TIMMDC1: variants seen among roughly 807,000 people sequenced by gnomAD.
The protein encoded by TIMMDC1 is translocase of inner mitochondrial membrane domain containing 1.
TIMMDC1 carries 25 observed loss-of-function variants against 32.6 expected under a neutral mutation model. The observed-to-expected ratio is 0.77, with a 90% CI of 0.56 to 1.07. The LOEUF (loss-of-function observed/expected upper bound fraction) is 1.07, where lower values mean the gene tolerates loss of function less well. TIMMDC1 is among the 50% of genes least tolerant of loss of function. TIMMDC1 has a pLI of 0.00. For missense variants in TIMMDC1, 329 were observed against 349.2 expected (o/e 0.94, Z 0.46); for synonymous variants, 130 against 127.6 (o/e 1.02, Z -0.13).
chr3:119,525,036 T>C lies in TIMMDC1; in HGVS notation c.*1280T>C, dbSNP rs1258999153. 2 of 152,232 alleles carry C rather than the reference T, an allele frequency of 1.3e-5. No individual in the cohort carries two copies. The highest frequency in any genetic ancestry group is 2.9e-5 in the Non-Finnish European group (2 of 68,048). 9.4% of individuals were successfully genotyped at this position (152,232 alleles called of 1,614,324 possible). On this transcript the variant is annotated 3_prime_UTR_variant, in exon 7 of 7. Coordinates refer to ENST00000494664, the MANE Select transcript of TIMMDC1 (RefSeq NM_016589.4). ...GTCCAATATGAACCAGTTAAGTCTT[T>C]GGACTATCCCTTTCCTCCTTGACTA...
intron 2 of TIMMDC1, among the ~76,000 whole-genome samples, chr3:119,503,102 C>T (rs1243419148): frequency 1.3e-5 from 2 of 152,180 alleles, no homozygotes; most frequent in African/African-American, 4.8e-5. Flanking sequence ...GGTTGAGCAG[C>T]ACAAATCTGA....
intron 2 of TIMMDC1, among the ~76,000 whole-genome samples, chr3:119,502,632 C>T (rs1437485844): frequency 6.6e-6 from 1 of 152,020 alleles, no homozygotes; most frequent in Non-Finnish European, 1.5e-5. Context: ...GATCATAGCT[C>T]ACCACAACCT....
intron 1 of TIMMDC1, among the ~76,000 whole-genome samples, chr3:119,499,885 G>C (rs986232400): frequency 6.6e-6 from 1 of 152,148 alleles, no homozygotes; most frequent in Non-Finnish European, 1.5e-5. Flanking sequence ...TGTTATTTTA[G>C]ATTGGCATGT....
intron 2 of TIMMDC1, 107 bp downstream of exon 2, chr3:119,500,967 C>T: frequency 8.7e-7 from 1 of 1,144,132 alleles, no homozygotes; most frequent in South Asian, 1.6e-5. Context: ...TTTAAGGTGT[C>T]AGAGTAAAGA....
intron 6 of TIMMDC1, among the ~76,000 whole-genome samples, chr3:119,519,494 A>AC (rs2082009286): frequency 6.6e-6 from 1 of 152,028 alleles, no homozygotes; most frequent in African/African-American, 2.4e-5. Flanking sequence ...TTAAATAAAA[A>AC]ACTATAAAAA....
intron 6 of TIMMDC1, among the ~76,000 whole-genome samples, chr3:119,520,467 A>G (rs1291596922): frequency 6.6e-6 from 1 of 152,212 alleles, no homozygotes; most frequent in Non-Finnish European, 1.5e-5. Flanking sequence ...ACTGTATGCC[A>G]AGAAATTGGA....
At chr3:119,502,404 A>AT (rs1486181409) in intron 2 of TIMMDC1, among the ~76,000 whole-genome samples, 4 of 151,364 alleles carry the variant, frequency 2.6e-5, no homozygotes, top group African/African-American at 9.7e-5. Flanking sequence ...TAATTTTTGT[A>AT]TTTTTTGTAG....
intron 2 of TIMMDC1, among the ~76,000 whole-genome samples, chr3:119,502,366 A>G (rs1306904339): frequency 6.6e-6 from 1 of 151,762 alleles, no homozygotes; most frequent in Non-Finnish European, 1.5e-5. Flanking sequence ...AGTAGCTGGG[A>G]CTATAGGCAT....
At position 119,523,596 on chromosome 3, in the gene TIMMDC1, C is replaced by G. The variant is rs58978800; in HGVS notation, c.708-10C>G. 4.4e-6 allele frequency: 7 copies of G among 1,579,938 alleles called. No individual in the cohort carries two copies. Among genetic ancestry groups the G allele is most frequent in the Non-Finnish European group, 6.0e-6 (7 of 1,167,174 alleles). On this transcript the variant is annotated splice_polypyrimidine_tract_variant and intron_variant, in intron 6 of 6. Coordinates refer to ENST00000494664, the MANE Select transcript of TIMMDC1 (RefSeq NM_016589.4). ...GCAGTATTTGATTTATCCTTTTTATCTGATTACAGGAAAGGCAGACTACAA... is the reference window on the plus strand; with the variant it reads ...GCAGTATTTGATTTATCCTTTTTATGTGATTACAGGAAAGGCAGACTACAA...
chr3:119,516,399 T>TTA (rs1445577894), intron 5 of TIMMDC1, among the ~76,000 whole-genome samples: 2 of 152,216 alleles, frequency 1.3e-5, no homozygotes, highest in East Asian at 3.8e-4. Context: ...TCCTTGAAGT[T>TTA]TATCTATGTT....
At chr3:119,505,654 A>G (rs912356346) in intron 4 of TIMMDC1, among the ~76,000 whole-genome samples, 1 of 152,218 alleles carries the variant, frequency 6.6e-6, no homozygotes. Flanking sequence ...GGCGTAAGCT[A>G]CCACGCCCGG....
rs774619141 is a variant in TIMMDC1 at position 119,498,908 on chromosome 3, C to T, written c.175C>T (p.Arg59Trp). 3.1e-6 allele frequency: 5 copies of T among 1,613,718 alleles called. No individual in the cohort carries two copies. In the East Asian group the frequency reaches 6.7e-5, roughly 22 times the overall value. Residue 59 changes from arginine (R) to tryptophan (W), a missense_variant, in exon 1 of 7, where the codon CGG becomes TGG. Coordinates refer to ENST00000494664, the MANE Select transcript of TIMMDC1 (RefSeq NM_016589.4). ...CCCGGAATCTGGATGGGACCGCCTCCGGGAGCTGTTTGGCAAAGAGTAAAA... is the reference window on the plus strand; with the variant it reads ...CCCGGAATCTGGATGGGACCGCCTCTGGGAGCTGTTTGGCAAAGAGTAAAA... ...YYPESGWDRLRELFGKDEQQR... is the reference protein window; with the variant it reads ...YYPESGWDRLWELFGKDEQQR...
At chr3:119,501,781 G>C (rs1007446289) in intron 2 of TIMMDC1, among the ~76,000 whole-genome samples, 1 of 151,994 alleles carries the variant, frequency 6.6e-6, no homozygotes, top group Non-Finnish European at 1.5e-5. Context: ...ATGCTGCTTT[G>C]GTCTCATTTA....
intron 5 of TIMMDC1, among the ~76,000 whole-genome samples, chr3:119,516,466 GT>G (rs1320082464): frequency 6.6e-6 from 1 of 152,158 alleles, no homozygotes; most frequent in Non-Finnish European, 1.5e-5. Context: ...TCCATTGTAT[GT>G]GTATGTTACA....
At chr3:119,507,454 GT>G in intron 4 of TIMMDC1, among the ~76,000 whole-genome samples, 1 of 152,270 alleles carries the variant, frequency 6.6e-6, no homozygotes, top group Non-Finnish European at 1.5e-5. Flanking sequence ...TTCTGTTACA[GT>G]GGGTTTTTAA....
intron 1 of TIMMDC1, 165 bp downstream of exon 1, chr3:119,499,092 C>CTTT (rs11317621): frequency 6.6e-4 from 264 of 402,208 alleles, no homozygotes; most frequent in East Asian, 1.1e-3. Context: ...TTTTTTCTTT[C>CTTT]TTTTTTTTTT....
chr3:119,511,123 A>G (rs1367977664), intron 4 of TIMMDC1, among the ~76,000 whole-genome samples: 2 of 152,092 alleles, frequency 1.3e-5, no homozygotes, highest in African/African-American at 4.8e-5. Context: ...TAGACAGTTT[A>G]TCTGCGAGTT....
chr3:119,515,549 TATAATC>T lies in TIMMDC1; in HGVS notation c.597-1653_597-1648del, dbSNP rs561925355. On this transcript the variant is annotated intron_variant, in intron 5 of 6. Coordinates refer to ENST00000494664, the MANE Select transcript of TIMMDC1 (RefSeq NM_016589.4). ...AAATCAATTTTGCCATGTAAGATAATATAATCATGGGCATAATATATTCACAGTTGA... is the reference window on the plus strand; with the variant it reads ...AAATCAATTTTGCCATGTAAGATAATATGGGCATAATATATTCACAGTTGA... Among the ~76,000 whole-genome samples, 79 of 152,354 alleles carry T rather than the reference TATAATC, an allele frequency of 5.2e-4. 1 individual carries two copies. The highest frequency in any genetic ancestry group is 1.8e-3 in the African/African-American group (74 of 41,580).
chr3:119,509,284 A>C lies in TIMMDC1; in HGVS notation c.518-4357A>C, dbSNP rs144268319. 2.5e-3 allele frequency among the ~76,000 whole-genome samples: 376 copies of C among 152,336 alleles called. 2 individuals carry two copies. The highest frequency in any genetic ancestry group is 7.6e-3 in the African/African-American group (314 of 41,576). ...GAATCTGCCCAAGATAAATGAAAACATGTCCACGCAAAGACTTATATATAA... is the reference window on the plus strand; with the variant it reads ...GAATCTGCCCAAGATAAATGAAAACCTGTCCACGCAAAGACTTATATATAA... On this transcript the variant is annotated intron_variant, in intron 4 of 6. Coordinates refer to ENST00000494664, the MANE Select transcript of TIMMDC1 (RefSeq NM_016589.4).
Sources: gnomAD v4.1 joint callset for allele counts (sites outside exome capture counted in the v4.1 genomes callset) on GRCh38, gnomAD v4.1.1 for gene constraint, MANE v1.5 for transcripts, NCBI Gene and HGNC (gene_info 2026-07-23, HGNC 2026-07-21) for gene names.